The following ARHGAP32 variants were observed in gnomAD, a reference collection of about 807,000 sequenced individuals.
The protein encoded by ARHGAP32 is Rho GTPase activating protein 32.
In ARHGAP32, 51 loss-of-function variants were observed where a neutral mutation model predicts 186.5. The observed-to-expected ratio is 0.27, with a 90% CI of 0.22 to 0.35. The LOEUF (loss-of-function observed/expected upper bound fraction) is 0.35, where lower values mean the gene tolerates loss of function less well. Among genes scored for constraint, ARHGAP32 ranks in the 10% least tolerant of loss-of-function variants. The probability of loss-of-function intolerance (pLI) is 1.00; values close to 1 mark genes in which losing one functional copy is unlikely to be tolerated. For missense variants in ARHGAP32, 2,186 were observed against 2,623.5 expected, an observed-to-expected ratio of 0.83 and a Z score of 3.64; for synonymous variants, 950 against 964.3, an observed-to-expected ratio of 0.99 and a Z score of 0.27.
upstream of ARHGAP32, among the ~76,000 whole-genome samples, chr11:129,194,576 C>G (rs575441111): frequency 4.6e-5 from 7 of 152,162 alleles, no homozygotes; most frequent in South Asian, 1.5e-3. Context: ...TGCAGACTAT[C>G]TATGGAAGAA....
intron 6 of ARHGAP32, among the ~76,000 whole-genome samples, chr11:129,086,583 A>G (rs1487030561): frequency 1.3e-5 from 2 of 152,178 alleles, no homozygotes; most frequent in Non-Finnish European, 2.9e-5. Flanking sequence ...GCACTTTGGG[A>G]GGCCAAGGCG....
intron 11 of ARHGAP32, among the ~76,000 whole-genome samples, chr11:129,008,108 T>A (rs1020666181): frequency 6.6e-6 from 1 of 151,990 alleles, no homozygotes; most frequent in Admixed American, 6.6e-5. Flanking sequence ...GGGGAGGGGG[T>A]GGCAAAGGTG....
At chr11:129,170,439 T>C (rs1292071218) in intron 1 of ARHGAP32, among the ~76,000 whole-genome samples, 1 of 152,184 alleles carries the variant, frequency 6.6e-6, no homozygotes, top group Non-Finnish European at 1.5e-5. Context: ...TGTTTGGTTT[T>C]CTGTTCCTGT....
At chr11:129,098,069 T>A (rs1438864139) in intron 5 of ARHGAP32, among the ~76,000 whole-genome samples, 1 of 152,200 alleles carries the variant, frequency 6.6e-6, no homozygotes, top group African/African-American at 2.4e-5. Flanking sequence ...AGCAAAACTG[T>A]CCTTAAAAAG....
At chr11:129,174,084 G>A (rs555482849) in intron 1 of ARHGAP32, among the ~76,000 whole-genome samples, 25 of 152,312 alleles carry the variant, frequency 1.6e-4, no homozygotes, top group South Asian at 1.2e-3. Flanking sequence ...GTGGGTGCGC[G>A]CACCGTGCAC....
intron 19 of ARHGAP32, 138 bp downstream of exon 19, chr11:128,978,632 G>T: frequency 1.5e-6 from 1 of 671,396 alleles, no homozygotes; most frequent in Non-Finnish European, 2.2e-6. Flanking sequence ...AAGAATCGGT[G>T]AGAGAAGACA....
intron 11 of ARHGAP32, among the ~76,000 whole-genome samples, chr11:129,002,078 G>A (rs1338847875): frequency 2.0e-5 from 3 of 151,990 alleles, no homozygotes; most frequent in Non-Finnish European, 4.4e-5. Flanking sequence ...GATTGCTATG[G>A]CTATTATTTA....
intron 1 of ARHGAP32, among the ~76,000 whole-genome samples, chr11:129,172,883 A>C (rs190888007): frequency 1.3e-5 from 2 of 152,134 alleles, no homozygotes; most frequent in African/African-American, 4.8e-5. Context: ...CACAATTAAA[A>C]GAGCTAAAGG....
At chr11:129,173,363 G>A (rs183253371) in intron 1 of ARHGAP32, among the ~76,000 whole-genome samples, 93 of 151,714 alleles carry the variant, frequency 6.1e-4, no homozygotes, top group Non-Finnish European at 1.0e-3. Flanking sequence ...GGACCAGACG[G>A]ATTCACAGCC....
rs78513980 is a variant in ARHGAP32 at position 129,166,231 on chromosome 11, T to C, written c.117-1804A>G. ...AAAAAGGAACAGAAAATACACAAAA[T>C]AGTATAAAGGATGAGAGACTTGGTT... is the stretch of plus-strand genomic sequence containing the variant. On this transcript the variant is annotated intron_variant, in intron 1 of 22. Transcript: ENST00000682385. 2.3e-3 allele frequency among the ~76,000 whole-genome samples: 351 copies of C among 151,178 alleles called. 9 individuals are homozygous for C. The East Asian group carries it at 0.064, about 28-fold the overall frequency.
chr11:129,164,454 G>T, intron 1 of ARHGAP32, 27 bp from the exon 2 acceptor site: 3 of 1,306,424 alleles, frequency 2.3e-6, no homozygotes, highest in Non-Finnish European at 3.2e-6. Context: ...GAAAGATTCT[G>T]ATAAGAATTT....
chr11:129,090,480 CTT>C (rs1381807969), intron 6 of ARHGAP32, among the ~76,000 whole-genome samples: 1 of 152,092 alleles, frequency 6.6e-6, no homozygotes, highest in Non-Finnish European at 1.5e-5. Context: ...TTAATACACT[CTT>C]AACTTGAATA....
intron 6 of ARHGAP32, among the ~76,000 whole-genome samples, chr11:129,067,166 A>C (rs1353050631): frequency 2.6e-5 from 4 of 152,098 alleles, no homozygotes; most frequent in Admixed American, 6.6e-5. Context: ...ATAACATGTG[A>C]TTTTAAATCT....
rs527374127 is a variant in ARHGAP32, at chr11:129,012,713, G to A, written c.1046-14245C>T. Among the ~76,000 whole-genome samples the A allele has an allele frequency of 2.0e-5, 3 of 152,184 alleles. No individual in the cohort carries two copies. In the East Asian group the frequency reaches 5.8e-4, roughly 29 times the overall value. The stretch of plus-strand genomic sequence containing the variant: ...CAGTAGTAATAGTATCCAAAAGAAA[G>A]AAAGGGAAAAAGTGACCATTTTCAA... On this transcript the variant is annotated intron_variant, in intron 11 of 22. Transcript: ENST00000682385.
chr11:128,972,984 G>A lies in ARHGAP32; in HGVS notation c.3522C>T (p.Asp1174=), dbSNP rs1233179950. ...NQPHQAYLSG[D]PEKARITSVP... ...CTGAAGTAATTCTGGCCTTTTCTGG[G>A]TCCCCAGATAAATATGCTTGATGTG... is the stretch of plus-strand genomic sequence containing the variant. The change falls in exon 22 of 23, where the codon GAC becomes GAT. Residue 1174 remains aspartate, a synonymous_variant. Transcript: ENST00000682385. The A allele has an allele frequency of 1.2e-6, 2 of 1,613,992 alleles. No homozygotes were observed. The highest frequency in any genetic ancestry group is 1.1e-5 in the South Asian group (1 of 91,070).
chr11:129,184,562 G>A (rs923930088), intron 1 of ARHGAP32, among the ~76,000 whole-genome samples: 10 of 151,876 alleles, frequency 6.6e-5, no homozygotes, highest in African/African-American at 2.4e-4. Context: ...AATTCACAAA[G>A]TAAAATGTAA....
chr11:129,150,114 C>CA (rs61492745), intron 2 of ARHGAP32, among the ~76,000 whole-genome samples: 19,498 of 77,970 alleles, frequency 0.25, 1,347 homozygotes, highest in African/African-American at 0.31. Flanking sequence ...CTGACAAAGA[C>CA]AAAAAAAAAA....
chr11:129,234,298 C>T (rs1170889917), intron 1 of ARHGAP32, among the ~76,000 whole-genome samples: 1 of 151,982 alleles, frequency 6.6e-6, no homozygotes, highest in Non-Finnish European at 1.5e-5. Context: ...CTCCTGACAA[C>T]ACCAATAATG....
intron 11 of ARHGAP32, among the ~76,000 whole-genome samples, chr11:129,016,611 C>T (rs999483628): frequency 1.3e-4 from 20 of 152,202 alleles, no homozygotes; most frequent in African/African-American, 4.1e-4. Context: ...TCTATCAATA[C>T]CTCACTTTCT....
Sources: gnomAD v4.1 joint callset for allele counts (sites outside exome capture counted in the v4.1 genomes callset) on GRCh38, gnomAD v4.1.1 for gene constraint, MANE v1.5 for transcripts, NCBI Gene and HGNC (gene_info 2026-07-23, HGNC 2026-07-21) for gene names.